MARCHF4: variants seen among roughly 807,000 people sequenced by gnomAD.
MARCHF4 encodes the protein membrane associated ring-CH-type finger 4.
A neutral mutation model predicts 43.9 loss-of-function variants in MARCHF4; 14 were observed. The observed-to-expected ratio is 0.32, with a 90% confidence interval of 0.21 to 0.50. The LOEUF is 0.50. MARCHF4 is among the 20% of genes least tolerant of loss of function. The probability of loss-of-function intolerance (pLI) is 0.98; values close to 1 mark genes in which losing one functional copy is unlikely to be tolerated. For missense variants in MARCHF4, 468 were observed against 536.7 expected (o/e 0.87, Z 1.27); for synonymous variants, 226 against 213.3 (o/e 1.06, Z -0.52).
intron 2 of MARCHF4, among the ~76,000 whole-genome samples, chr2:216,281,621 T>C (rs1691129595): frequency 6.6e-6 from 1 of 152,212 alleles, no homozygotes; most frequent in Non-Finnish European, 1.5e-5. Context: ...GCACAGGACA[T>C]ACAATTGGGA....
intron 1 of MARCHF4, among the ~76,000 whole-genome samples, chr2:216,337,342 C>T (rs933935806): frequency 6.6e-6 from 1 of 152,084 alleles, no homozygotes; most frequent in Non-Finnish European, 1.5e-5. Flanking sequence ...TGTGAAAGCA[C>T]ATTTGATGTC....
At chr2:216,349,732 A>G (rs1035514838) in intron 1 of MARCHF4, among the ~76,000 whole-genome samples, 2 of 152,170 alleles carry the variant, frequency 1.3e-5, no homozygotes, top group African/African-American at 4.8e-5. Flanking sequence ...GGCAGTGGGG[A>G]TTAGCCAGAG....
intron 1 of MARCHF4, among the ~76,000 whole-genome samples, chr2:216,327,148 AT>A (rs912014585): frequency 1.1e-3 from 161 of 149,428 alleles, no homozygotes; most frequent in East Asian, 5.3e-3. Flanking sequence ...TTTACTTTGT[AT>A]TTTTTTTTTA....
intron 1 of MARCHF4, among the ~76,000 whole-genome samples, chr2:216,362,545 C>A (rs576352403): frequency 6.6e-6 from 1 of 152,318 alleles, no homozygotes; most frequent in African/African-American, 2.4e-5. Flanking sequence ...CTCAACCCCT[C>A]TATGGACAGG....
At chr2:216,322,539 C>T (rs907151474) in intron 1 of MARCHF4, among the ~76,000 whole-genome samples, 17 of 152,172 alleles carry the variant, frequency 1.1e-4, no homozygotes, top group African/African-American at 3.6e-4. Context: ...GAACTGGTCT[C>T]GGCCAGGCAC....
At chr2:216,278,636 C>T (rs207808) in intron 2 of MARCHF4, among the ~76,000 whole-genome samples, 53,429 of 151,970 alleles carry the variant, frequency 0.35, 9,910 homozygotes, top group African/African-American at 0.43. Flanking sequence ...TCTACAACAT[C>T]ACCTTGCATG....
chr2:216,262,882 A>G (rs1202295531), intron 3 of MARCHF4, among the ~76,000 whole-genome samples: 2 of 152,256 alleles, frequency 1.3e-5, no homozygotes, highest in Non-Finnish European at 2.9e-5. Context: ...GAAATCTTTT[A>G]TAACAAAACA....
At chr2:216,335,289 A>G (rs1416405613) in intron 1 of MARCHF4, among the ~76,000 whole-genome samples, 1 of 152,274 alleles carries the variant, frequency 6.6e-6, no homozygotes, top group African/African-American at 2.4e-5. Flanking sequence ...AGAAACTGAT[A>G]TGCCATTGAG....
intron 1 of MARCHF4, among the ~76,000 whole-genome samples, chr2:216,367,084 G>A (rs1047883439): frequency 2.6e-5 from 4 of 152,088 alleles, no homozygotes; most frequent in African/African-American, 4.8e-5. Context: ...TTTGGCAGTC[G>A]TTTAGCCCCT....
chr2:216,342,081 C>T (rs552620851), intron 1 of MARCHF4, among the ~76,000 whole-genome samples: 21 of 152,076 alleles, frequency 1.4e-4, no homozygotes, highest in Non-Finnish European at 2.2e-4. Flanking sequence ...AAGAGGAGTC[C>T]GATCTGAAGT....
intron 1 of MARCHF4, among the ~76,000 whole-genome samples, chr2:216,324,992 G>T (rs557888100): frequency 0.019 from 2,949 of 151,734 alleles, 106 homozygotes; most frequent in African/African-American, 0.068. Flanking sequence ...AGGAAATAAA[G>T]GGTATTCAAT....
intron 1 of MARCHF4, among the ~76,000 whole-genome samples, chr2:216,319,169 G>A (rs527517924): frequency 1.3e-5 from 2 of 152,164 alleles, no homozygotes; most frequent in Non-Finnish European, 1.5e-5. Flanking sequence ...TTAGCCCAGT[G>A]TGGTGGCGGG....
chr2:216,370,513 C>A lies in MARCHF4; in HGVS notation c.-253G>T. Reference sequence around the variant, plus strand: ...TCTTGCCCTCACACACCCACCCCAACCTCCAACTTTGTTCAGTGTGTCTCC... The same window carrying A: ...TCTTGCCCTCACACACCCACCCCAAACTCCAACTTTGTTCAGTGTGTCTCC... On this transcript the variant is annotated 5_prime_UTR_variant, in exon 1 of 4. Transcript: ENST00000273067. 9.7e-6 allele frequency: 4 copies of A among 411,388 alleles called. No individual in the cohort carries two copies. Among genetic ancestry groups the A allele is most frequent in the Non-Finnish European group, 8.6e-6 (2 of 231,396 alleles). 25.5% of individuals were successfully genotyped at this position (411,388 alleles called of 1,614,324 possible). A position where few individuals can be genotyped will look rare whatever the true frequency, so the allele number is the denominator to read the frequency against.
intron 1 of MARCHF4, among the ~76,000 whole-genome samples, chr2:216,334,353 A>G (rs1692125888): frequency 6.6e-6 from 1 of 152,156 alleles, no homozygotes; most frequent in Non-Finnish European, 1.5e-5. Flanking sequence ...CAGCAACCCG[A>G]ATGAGCAAAA....
chr2:216,332,900 G>T (rs1438165444), intron 1 of MARCHF4, among the ~76,000 whole-genome samples: 3 of 152,200 alleles, frequency 2.0e-5, no homozygotes, highest in African/African-American at 7.2e-5. Context: ...GTGTGAAATG[G>T]TAGGGTGGTG....
At chr2:216,334,702 C>T (rs967267168) in intron 1 of MARCHF4, among the ~76,000 whole-genome samples, 2 of 152,158 alleles carry the variant, frequency 1.3e-5, no homozygotes, top group Admixed American at 1.3e-4. Flanking sequence ...GTGCGCCTGG[C>T]CTAAAGCTGC....
At position 216,259,287 on chromosome 2, in the gene MARCHF4, T is replaced by C. The variant is rs1011553422; in HGVS notation, c.*25A>G. On this transcript the variant is annotated 3_prime_UTR_variant, in exon 4 of 4. Transcript: ENST00000273067. ...TGCTCCGGGCCCTCAGTGGTGGTCATGGCCTTCCTTCCGGGCCTCTGCTCT... is the reference window on the plus strand; with the variant it reads ...TGCTCCGGGCCCTCAGTGGTGGTCACGGCCTTCCTTCCGGGCCTCTGCTCT... 9.9e-6 allele frequency: 15 copies of C among 1,516,492 alleles called. No individual in the cohort carries two copies. The highest frequency in any genetic ancestry group is 1.3e-5 in the Non-Finnish European group (15 of 1,132,136). The allele number at this position is 1,516,492 out of a possible 1,614,324, so 93.9% of individuals were successfully genotyped here.
intron 3 of MARCHF4, among the ~76,000 whole-genome samples, chr2:216,272,162 T>C (rs1047660014): frequency 3.3e-5 from 5 of 152,024 alleles, no homozygotes; most frequent in African/African-American, 9.7e-5. Flanking sequence ...CCTGAATAAG[T>C]ATTTTTAAAT....
At chr2:216,334,857 G>C (rs560362673) in intron 1 of MARCHF4, among the ~76,000 whole-genome samples, 1 of 152,208 alleles carries the variant, frequency 6.6e-6, no homozygotes, top group African/African-American at 2.4e-5. Flanking sequence ...CAAATAGCCC[G>C]TTAATGGAAT....
Sources: allele counts gnomAD v4.1 joint callset (sites outside exome capture counted in the v4.1 genomes callset), GRCh38; gene constraint gnomAD v4.1.1; transcripts MANE v1.5; gene names NCBI Gene and HGNC (gene_info 2026-07-23, HGNC 2026-07-21).